Variants in ATP4A observed in about 807,000 individuals in gnomAD.
The protein encoded by ATP4A is ATPase H+/K+ transporting subunit alpha.
Under a neutral mutation model 112.1 loss-of-function variants are expected in ATP4A, and 73 were observed. The ratio of observed to expected loss-of-function variants is 0.65; its 90% CI spans 0.54 to 0.79. The LOEUF (loss-of-function observed/expected upper bound fraction) is 0.79. Among genes scored for constraint, ATP4A ranks in the 30% least tolerant of loss-of-function variants. The pLI, the probability that ATP4A is intolerant of heterozygous loss-of-function variation, is 0.00. For missense variants in ATP4A, 1,081 were observed against 1,425.9 expected, an observed-to-expected ratio of 0.76 and a Z score of 3.90; for synonymous variants, 588 against 588.9, an observed-to-expected ratio of 1.00 and a Z score of 0.02.
chr19:35,555,460 C>G lies in ATP4A; in HGVS notation c.2137G>C (p.Val713Leu). The part of the protein sequence containing the change: ...RTSPQQKLVI[V>L]ESCQRLGAIV... ...CTCACCAGCCGCTGGCAGCTCTCCA[C>G]GATCACCAGCTTCTGCTGGGGGCTG... The change falls in exon 14 of 22, where the codon GTG becomes CTG. Residue 713 changes from valine to leucine, a missense_variant. Val to Leu is a conservative substitution (Grantham distance 32). Coordinates refer to ENST00000262623, the MANE Select transcript of ATP4A (RefSeq NM_000704.3). The surrounding 1 kb of genome is among the most constrained non-coding windows in gnomAD (Gnocchi z 6.6). 3 of 1,612,154 alleles carry G rather than the reference C, an allele frequency of 1.9e-6. No individual in the cohort carries two copies. The highest frequency in any genetic ancestry group is 2.5e-6 in the Non-Finnish European group (3 of 1,178,994).
intron 4 of ATP4A, among the ~76,000 whole-genome samples, chr19:35,561,880 C>A (rs562115541): frequency 7.8e-5 from 10 of 127,674 alleles, no homozygotes; most frequent in African/African-American, 2.7e-4. Context: ...TTTTAAGATG[C>A]AGTCTCGCTC....
chr19:35,563,590 G>A, intron 1 of ATP4A, 28 bp downstream of exon 1: 5 of 1,613,986 alleles, frequency 3.1e-6, no homozygotes, highest in Non-Finnish European at 4.2e-6. Flanking sequence ...TGTCCCCACT[G>A]CACCCCGGAC....
rs1172844789 is a variant in ATP4A, at chr19:35,550,671, C to T, written c.3080-28G>A. ...GGGAGAGAGAGGGAGAAAGGAGACT[C>T]AGTGCTGGGGGTGCCACTTAGGCAG... On this transcript the variant is annotated intron_variant, in intron 21 of 21. Coordinates refer to ENST00000262623, the MANE Select transcript of ATP4A (RefSeq NM_000704.3). The surrounding 1 kb of genome is among the most constrained non-coding windows in gnomAD (Gnocchi z 4.1). 1.9e-6 allele frequency: 3 copies of T among 1,613,644 alleles called. No individual in the cohort carries two copies. The highest frequency in any genetic ancestry group is 2.2e-5 in the South Asian group (2 of 91,074).
At chr19:35,561,826 C>A (rs2071672458) in intron 4 of ATP4A, among the ~76,000 whole-genome samples, 1 of 150,174 alleles carries the variant, frequency 6.7e-6, no homozygotes, top group African/African-American at 2.5e-5. Flanking sequence ...ACTGCATGTC[C>A]TCTGCTTCCA....
rs966781697 is a variant in ATP4A at position 35,557,190 on chromosome 19, A to G, written c.1694-102T>C. ...ACCAGGCCCCTTGCACCAAACACCT[A>G]TGGATGCCTGACCTTGTGCTGACCC... On this transcript the variant is annotated intron_variant, in intron 11 of 21. Coordinates refer to ENST00000262623, the MANE Select transcript of ATP4A (RefSeq NM_000704.3). This position sits in a 1 kb window ranked among gnomAD's most constrained non-coding sequence, Gnocchi z 4.4. The G allele has an allele frequency of 7.4e-7, 1 of 1,347,644 alleles. No homozygotes were observed. Among genetic ancestry groups the G allele is most frequent in the South Asian group, 1.2e-5 (1 of 80,348 alleles). 83.5% of individuals were successfully genotyped at this position (1,347,644 alleles called of 1,614,324 possible).
intron 4 of ATP4A, among the ~76,000 whole-genome samples, chr19:35,561,761 A>G (rs1177638558): frequency 2.1e-5 from 3 of 144,492 alleles, no homozygotes. Context: ...CTGGTGTCCT[A>G]TGTCTGAGTC....
At position 35,551,288 on chromosome 19, in the gene ATP4A, G is replaced by A. The variant is rs900489021; in HGVS notation, c.2885+159C>T. The stretch of plus-strand genomic sequence containing the variant: ...CCTTTAGTGAAATGTGGAGGGGGCC[G>A]TGGGGGGAGTTATTGGCCAGTTAGA... On this transcript the variant is annotated intron_variant, in intron 19 of 21. Coordinates refer to ENST00000262623, the MANE Select transcript of ATP4A (RefSeq NM_000704.3). This position sits in a 1 kb window ranked among gnomAD's most constrained non-coding sequence, Gnocchi z 5.2. Among the ~76,000 whole-genome samples the A allele has an allele frequency of 1.7e-4, 26 of 152,248 alleles. No individual in the cohort carries two copies. The highest frequency in any genetic ancestry group is 5.3e-4 in the African/African-American group (22 of 41,530).
At position 35,558,901 on chromosome 19, in the gene ATP4A, C is replaced by T. The variant is rs1031405632; in HGVS notation, c.1255+92G>A. 19 of 1,502,208 alleles carry T rather than the reference C, an allele frequency of 1.3e-5. No individual in the cohort carries two copies. Among genetic ancestry groups the T allele is most frequent in the Non-Finnish European group, 1.6e-5 (18 of 1,095,216 alleles). 93.1% of individuals were successfully genotyped at this position (1,502,208 alleles called of 1,614,324 possible). On this transcript the variant is annotated intron_variant, in intron 8 of 21. Transcript: ENST00000262623. This position sits in a 1 kb window ranked among gnomAD's most constrained non-coding sequence, Gnocchi z 5.1. ...ACCTGGAGCCGAGCCGCCCCGCCTTCGTACAAAGCCCTCCCTACCTCCCTA... is the reference window on the plus strand; with the variant it reads ...ACCTGGAGCCGAGCCGCCCCGCCTTTGTACAAAGCCCTCCCTACCTCCCTA...
In ATP4A at chr19:35,551,477, C is replaced by T. The variant is rs1423443034; in HGVS notation, c.2855G>A (p.Arg952His). ...GAAGCCTTGCTGGAAGGCAGAGAGA[C>T]GGCGCGTCTTGCGGATGAGGACATC... ...IADVLIRKTR[R>H]LSAFQQGFFR... Residue 952 changes from arginine to histidine, a missense_variant, in exon 19 of 22, where the codon CGT becomes CAT. Physicochemically the swap from Arg to His is conservative, Grantham distance 29. Transcript: ENST00000262623. The surrounding 1 kb of genome is among the most constrained non-coding windows in gnomAD (Gnocchi z 5.2). The T allele has an allele frequency of 6.2e-6, 10 of 1,614,112 alleles. No homozygotes were observed. Among genetic ancestry groups the T allele is most frequent in the East Asian group, 2.2e-5 (1 of 44,882 alleles).
rs955869714 is a variant in ATP4A, at chr19:35,560,120, G to A, written c.788-47C>T. 1 of 1,603,606 alleles carries A rather than the reference G, an allele frequency of 6.2e-7. No individual in the cohort carries two copies. The highest frequency in any genetic ancestry group is 1.3e-5 in the African/African-American group (1 of 74,798). The stretch of plus-strand genomic sequence containing the variant: ...ACTCAGGGATAGGGGGCGGCAGTGG[G>A]GTGTGCACTGCCGTGTGAGCTGAAG... On this transcript the variant is annotated intron_variant, in intron 6 of 21. Coordinates refer to ENST00000262623, the MANE Select transcript of ATP4A (RefSeq NM_000704.3). This position sits in a 1 kb window ranked among gnomAD's most constrained non-coding sequence, Gnocchi z 5.1.
rs1435189882 is a variant in ATP4A, at chr19:35,560,085, C to T, written c.788-12G>A. The T allele has an allele frequency of 6.2e-7, 1 of 1,612,700 alleles. No individual in the cohort carries two copies. The highest frequency in any genetic ancestry group is 2.2e-5 in the East Asian group (1 of 44,868). ...GCCCTGCACGGTGCCTGCAGGGGGG[C>T]CAAGGCGCGACTCAGGGATAGGGGG... On this transcript the variant is annotated splice_polypyrimidine_tract_variant and intron_variant, in intron 6 of 21. Coordinates refer to ENST00000262623, the MANE Select transcript of ATP4A (RefSeq NM_000704.3). This position sits in a 1 kb window ranked among gnomAD's most constrained non-coding sequence, Gnocchi z 5.1.
Position 35,558,175 on chromosome 19 carries a change from G to A in ATP4A, c.1500+187C>T. The A allele has an allele frequency of 7.6e-6, 6 of 789,030 alleles. No homozygotes were observed. The highest frequency in any genetic ancestry group is 1.8e-5 in the South Asian group (1 of 54,398). The allele number at this position is 789,030 out of a possible 1,614,324, so 48.9% of individuals were successfully genotyped here. ...CCGCCGAGGAGAAGCTGTGGGCGGG[G>A]CTGGGTGGTGGGCGGGGCCTTGCCT... On this transcript the variant is annotated intron_variant, in intron 10 of 21. Coordinates refer to ENST00000262623, the MANE Select transcript of ATP4A (RefSeq NM_000704.3). The surrounding 1 kb of genome is among the most constrained non-coding windows in gnomAD (Gnocchi z 5.1).
intron 16 of ATP4A, 94 bp from the exon 17 acceptor site, chr19:35,553,923 C>A: frequency 1.3e-6 from 2 of 1,487,870 alleles, no homozygotes. Flanking sequence ...TGAGCAGGAA[C>A]AGGACTGAGG....
At chr19:35,561,063 A>G (rs1474981454) in intron 4 of ATP4A, 131 bp from the exon 5 acceptor site, 1 of 708,040 alleles carries the variant, frequency 1.4e-6, no homozygotes, top group Non-Finnish European at 2.5e-6. Flanking sequence ...AGGAAGCTCC[A>G]TGCACCATTC....
Position 35,558,140 on chromosome 19 carries a change from A to C in ATP4A, c.1500+222T>G. The C allele has an allele frequency of 1.5e-6, 1 of 658,558 alleles. No individual in the cohort carries two copies. Among genetic ancestry groups the C allele is most frequent in the South Asian group, 1.9e-5 (1 of 51,306 alleles). 40.8% of individuals were successfully genotyped at this position (658,558 alleles called of 1,614,324 possible). A position where few individuals can be genotyped will look rare whatever the true frequency, so the allele number is the denominator to read the frequency against. ...GGATTTGGAGAGCGAGGTGCTCCCC[A>C]TGGACAGTCCCGCCGAGGAGAAGCT... On this transcript the variant is annotated intron_variant, in intron 10 of 21. Transcript: ENST00000262623. This position sits in a 1 kb window ranked among gnomAD's most constrained non-coding sequence, Gnocchi z 5.1.
Position 35,560,791 on chromosome 19 carries a change from TG to T in ATP4A, c.534+27del, listed in dbSNP as rs1257495526. The T allele has an allele frequency of 6.2e-7, 1 of 1,607,454 alleles. No homozygotes were observed. Among genetic ancestry groups the T allele is most frequent in the Non-Finnish European group, 8.5e-7 (1 of 1,174,002 alleles). ...GGAGCAGTTTGGAGTCTCTGGGATC[TG>T]GAGTGGCTGGGTGCTGGGGAACCCA... On this transcript the variant is annotated intron_variant, in intron 5 of 21. Coordinates refer to ENST00000262623, the MANE Select transcript of ATP4A (RefSeq NM_000704.3). The surrounding 1 kb of genome is among the most constrained non-coding windows in gnomAD (Gnocchi z 5.1).
At position 35,551,815 on chromosome 19, in the gene ATP4A, G is replaced by A. The variant is rs982159388; in HGVS notation, c.2752-235C>T. On this transcript the variant is annotated intron_variant, in intron 18 of 21. Coordinates refer to ENST00000262623, the MANE Select transcript of ATP4A (RefSeq NM_000704.3). This position sits in a 1 kb window ranked among gnomAD's most constrained non-coding sequence, Gnocchi z 5.2. ...TAGCAGAGCTTGGATGACAGTGGCC[G>A]GGAAAACTGTAGGCTGGGCCGACTG... Among the ~76,000 whole-genome samples the A allele has an allele frequency of 4.6e-5, 7 of 152,094 alleles. No individual in the cohort carries two copies. Among genetic ancestry groups the A allele is most frequent in the African/African-American group, 9.7e-5 (4 of 41,392 alleles).
At position 35,558,265 on chromosome 19, in the gene ATP4A, A is replaced by C. The variant is rs1479135534; in HGVS notation, c.1500+97T>G. 1.4e-6 allele frequency: 2 copies of C among 1,434,768 alleles called. No individual in the cohort carries two copies. The highest frequency in any genetic ancestry group is 1.9e-6 in the Non-Finnish European group (2 of 1,072,688). 88.9% of individuals were successfully genotyped at this position (1,434,768 alleles called of 1,614,324 possible). ...GGGTTTGGCTGCGGAGAGAAGGGGC[A>C]AGGAGCGAAGCCCCTCGTGGCCCGC... On this transcript the variant is annotated intron_variant, in intron 10 of 21. Coordinates refer to ENST00000262623, the MANE Select transcript of ATP4A (RefSeq NM_000704.3). This position sits in a 1 kb window ranked among gnomAD's most constrained non-coding sequence, Gnocchi z 5.1.
chr19:35,559,424 A>C lies in ATP4A; in HGVS notation c.1057-233T>G, dbSNP rs1168557634. On this transcript the variant is annotated intron_variant, in intron 7 of 21. Coordinates refer to ENST00000262623, the MANE Select transcript of ATP4A (RefSeq NM_000704.3). The surrounding 1 kb of genome is among the most constrained non-coding windows in gnomAD (Gnocchi z 4.1). ...GCGAGGCCCCTCTCTGAGCTGTCCC[A>C]GCCGAGGTTCTGAAAATTCTCTTCA... 4.6e-5 allele frequency among the ~76,000 whole-genome samples: 7 copies of C among 152,214 alleles called. No homozygotes were observed. The highest frequency in any genetic ancestry group is 1.7e-4 in the African/African-American group (7 of 41,456).
Sources: gnomAD v4.1 joint callset for allele counts (sites outside exome capture counted in the v4.1 genomes callset) on GRCh38, gnomAD v4.1.1 for gene constraint, Gnocchi (gnomAD v3.1) non-coding constraint, MANE v1.5 for transcripts, NCBI Gene and HGNC (gene_info 2026-07-23, HGNC 2026-07-21) for gene names.